The following RASSF9 variants were observed in gnomAD, a reference collection of about 807,000 sequenced individuals.
RASSF9 encodes the protein Ras association domain family member 9, also known as ras association domain-containing protein 9.
RASSF9 carries 18 observed loss-of-function variants against 21.4 expected under a neutral mutation model. That is an observed-to-expected ratio of 0.84 (90% CI 0.58 to 1.25). RASSF9 has a LOEUF of 1.25. Among genes scored for constraint, RASSF9 ranks in the 50% most tolerant of loss-of-function variants. The pLI, the probability that RASSF9 is intolerant of heterozygous loss-of-function variation, is 0.00. For missense variants in RASSF9, 480 were observed against 503.2 expected (o/e 0.95, Z 0.44); for synonymous variants, 183 against 179.1 (o/e 1.02, Z -0.18).
rs1172396998 is a variant in RASSF9, at chr12:85,805,643, C to A, written c.367G>T (p.Val123Phe). The A allele has an allele frequency of 6.2e-7, 1 of 1,613,986 alleles. No individual in the cohort carries two copies. Among genetic ancestry groups the A allele is most frequent in the Admixed American group, 1.7e-5 (1 of 60,022 alleles). ...VLVKADAFLP[V>F]PLWRTAEAKL... is the part of the protein sequence containing the mutation. ...GCTTCAGCTGTCCGCCACAAAGGAA[C>A]TGGAAGAAAAGCATCTGCTTTAACC... Residue 123 changes from valine to phenylalanine, a missense_variant, in exon 2 of 2, where the codon GTT (valine) becomes TTT (phenylalanine). Val to Phe is a conservative substitution (Grantham distance 50). Transcript: ENST00000361228.
At chr12:85,815,182 A>T (rs1202182582) in intron 1 of RASSF9, among the ~76,000 whole-genome samples, 1 of 152,098 alleles carries the variant, frequency 6.6e-6, no homozygotes, top group Non-Finnish European at 1.5e-5. Flanking sequence ...AGAGAAAAAA[A>T]AACCAAAAAC....
chr12:85,834,827 A>G (rs1880524464), intron 1 of RASSF9, among the ~76,000 whole-genome samples: 1 of 152,182 alleles, frequency 6.6e-6, no homozygotes, highest in South Asian at 2.1e-4. Flanking sequence ...GGAATATTCT[A>G]GAATATTTTA....
intron 1 of RASSF9, among the ~76,000 whole-genome samples, chr12:85,817,979 G>A (rs1460992370): frequency 2.0e-5 from 3 of 152,106 alleles, no homozygotes; most frequent in Admixed American, 1.3e-4. Flanking sequence ...ACAACCCTTT[G>A]TAGAAAGAGC....
chr12:85,817,956 A>C (rs779350313), intron 1 of RASSF9, among the ~76,000 whole-genome samples: 1 of 152,208 alleles, frequency 6.6e-6, no homozygotes, highest in Non-Finnish European at 1.5e-5. Context: ...CCTTCAATTC[A>C]TTCACAACTT....
intron 1 of RASSF9, among the ~76,000 whole-genome samples, chr12:85,828,401 G>A (rs12297854): frequency 0.037 from 5,634 of 152,160 alleles, 348 homozygotes; most frequent in African/African-American, 0.13. Flanking sequence ...TGAGGTGGTA[G>A]ATACCTCATT....
chr12:85,802,261 A>G lies in RASSF9; in HGVS notation c.*2441T>C, dbSNP rs576170273. On this transcript the variant is annotated 3_prime_UTR_variant, in exon 2 of 2. Coordinates refer to ENST00000361228, the MANE Select transcript of RASSF9 (RefSeq NM_005447.4). ...TACTTATAATTCCAATTCTCACTTA[A>G]TTTAATAACAAATAGTTCAGTATCC... 2.0e-5 allele frequency: 3 copies of G among 152,318 alleles called. No individual in the cohort carries two copies. The highest frequency in any genetic ancestry group is 3.9e-4 in the East Asian group (2 of 5,182). 9.4% of individuals were successfully genotyped at this position (152,318 alleles called of 1,614,324 possible). A position where few individuals can be genotyped will look rare whatever the true frequency, so the allele number is the denominator to read the frequency against.
At chr12:85,815,025 C>T (rs1880030189) in intron 1 of RASSF9, among the ~76,000 whole-genome samples, 1 of 151,838 alleles carries the variant, frequency 6.6e-6, no homozygotes, top group Admixed American at 6.6e-5. Flanking sequence ...TATTTCTGTC[C>T]TGGACAGAAG....
At chr12:85,832,113 G>A (rs975652500) in intron 1 of RASSF9, among the ~76,000 whole-genome samples, 1 of 151,906 alleles carries the variant, frequency 6.6e-6, no homozygotes, top group African/African-American at 2.4e-5. Context: ...GGGAACCCTT[G>A]AGATGACTTA....
In RASSF9 at chr12:85,802,977, T is replaced by G. The variant is rs1407993187; in HGVS notation, c.*1725A>C. The G allele has an allele frequency of 6.6e-6, 1 of 152,102 alleles. No homozygotes were observed. Among genetic ancestry groups the G allele is most frequent in the African/African-American group, 2.4e-5 (1 of 41,412 alleles). The allele number at this position is 152,102 out of a possible 1,614,324, so 9.4% of individuals were successfully genotyped here. ...TTTCTATTTTTCTTACCAGCCAACT[T>G]GAAATAAGACCTGAAAATATCTATT... On this transcript the variant is annotated 3_prime_UTR_variant, in exon 2 of 2. Coordinates refer to ENST00000361228, the MANE Select transcript of RASSF9 (RefSeq NM_005447.4).
chr12:85,814,057 A>G (rs574892665), intron 1 of RASSF9, among the ~76,000 whole-genome samples: 74 of 152,050 alleles, frequency 4.9e-4, no homozygotes, highest in Non-Finnish European at 9.6e-4. Flanking sequence ...GGACCTTTTC[A>G]GTTTCAAGCT....
At chr12:85,817,918 A>T (rs895135352) in intron 1 of RASSF9, among the ~76,000 whole-genome samples, 3 of 152,192 alleles carry the variant, frequency 2.0e-5, no homozygotes, top group African/African-American at 7.2e-5. Flanking sequence ...AATAAATAAT[A>T]AAAAAGACAT....
intron 1 of RASSF9, among the ~76,000 whole-genome samples, chr12:85,833,794 C>G (rs1016775378): frequency 1.3e-5 from 2 of 151,944 alleles, no homozygotes; most frequent in African/African-American, 4.8e-5. Flanking sequence ...CAAATTCTTA[C>G]TTTACATTGT....
chr12:85,810,964 T>G (rs1199839023), intron 1 of RASSF9, among the ~76,000 whole-genome samples: 1 of 151,912 alleles, frequency 6.6e-6, no homozygotes, highest in Admixed American at 6.6e-5. Flanking sequence ...AAACATTGCT[T>G]TATTTTGTTT....
At chr12:85,811,804 C>A (rs1344627839) in intron 1 of RASSF9, among the ~76,000 whole-genome samples, 1 of 151,586 alleles carries the variant, frequency 6.6e-6, no homozygotes, top group Non-Finnish European at 1.5e-5. Context: ...GGTAATTCAC[C>A]AGATGTCCAC....
chr12:85,836,089 A>G (rs999881612), intron 1 of RASSF9, 66 bp downstream of exon 1: 2 of 1,548,644 alleles, frequency 1.3e-6, no homozygotes, highest in Admixed American at 2.0e-5. Flanking sequence ...TAGGGTCCAG[A>G]GTACACACAC....
At chr12:85,819,503 A>G (rs1292732163) in intron 1 of RASSF9, among the ~76,000 whole-genome samples, 1 of 152,208 alleles carries the variant, frequency 6.6e-6, no homozygotes, top group Non-Finnish European at 1.5e-5. Context: ...AACACTTACT[A>G]TGTGCTATGC....
intron 1 of RASSF9, among the ~76,000 whole-genome samples, chr12:85,826,541 G>T (rs1281696162): frequency 6.9e-6 from 1 of 145,470 alleles, no homozygotes; most frequent in Admixed American, 6.8e-5. Context: ...TCCGCCTCCC[G>T]GGTTCACGCC....
rs374467558 is a variant in RASSF9, at chr12:85,824,628, CTA to C, written c.47+11525_47+11526del. ...CCTGTCTCTGTCTCTCTTTATCCCA[CTA>C]TCTCTTGTCTGCTCCTAGGGTTGCT... On this transcript the variant is annotated intron_variant, in intron 1 of 1. Transcript: ENST00000361228. Among the ~76,000 whole-genome samples, 1,016 of 152,298 alleles carry C rather than the reference CTA, an allele frequency of 6.7e-3. 15 individuals carry two copies. The highest frequency in any genetic ancestry group is 0.023 in the African/African-American group (963 of 41,572).
chr12:85,808,800 T>C (rs1408318720), intron 1 of RASSF9, among the ~76,000 whole-genome samples: 1 of 152,036 alleles, frequency 6.6e-6, no homozygotes, highest in East Asian at 1.9e-4. Context: ...CAAAATTTTA[T>C]TTTAAAATAA....
Sources: allele counts gnomAD v4.1 joint callset (sites outside exome capture counted in the v4.1 genomes callset), GRCh38; gene constraint gnomAD v4.1.1; transcripts MANE v1.5; gene names NCBI Gene and HGNC (gene_info 2026-07-23, HGNC 2026-07-21).